Variants in TCF7L2 observed in about 807,000 individuals in gnomAD.
The protein encoded by TCF7L2 is transcription factor 7-like 2.
TCF7L2 carries 23 observed loss-of-function variants against 77.9 expected under a neutral mutation model. The ratio of observed to expected loss-of-function variants is 0.30; its 90% CI spans 0.21 to 0.42. The LOEUF is 0.42. Among genes scored for constraint, TCF7L2 ranks in the 10% least tolerant of loss-of-function variants. TCF7L2 has a pLI of 1.00. For missense variants in TCF7L2, 654 were observed against 793.1 expected (o/e 0.82, Z 2.11); for synonymous variants, 413 against 340.2 (o/e 1.21, Z -2.36).
intron 11 of TCF7L2, among the ~76,000 whole-genome samples, chr10:113,156,835 C>G (rs1352254798): frequency 6.6e-6 from 1 of 152,244 alleles, no homozygotes; most frequent in African/African-American, 2.4e-5. Context: ...CTGGCCCCAC[C>G]ACTTGCTAGA....
At chr10:112,983,200 G>T (rs530941956) in intron 4 of TCF7L2, among the ~76,000 whole-genome samples, 4 of 151,426 alleles carry the variant, frequency 2.6e-5, no homozygotes, top group African/African-American at 9.7e-5. Context: ...GGCCGGGCAC[G>T]GTGGCTCATG....
At chr10:112,988,078 A>T (rs1326962914) in intron 4 of TCF7L2, among the ~76,000 whole-genome samples, 1 of 147,886 alleles carries the variant, frequency 6.8e-6, no homozygotes, top group East Asian at 2.0e-4. Context: ...TTATCAGAGG[A>T]GGGTGTTTGG....
chr10:113,119,275 C>T (rs1432909811), intron 5 of TCF7L2, among the ~76,000 whole-genome samples: 8 of 152,150 alleles, frequency 5.3e-5, no homozygotes, highest in African/African-American at 1.9e-4. Context: ...ACCTTTTGGT[C>T]TCCGATGGTG....
intron 4 of TCF7L2, among the ~76,000 whole-genome samples, chr10:112,988,984 C>T (rs909277811): frequency 1.3e-5 from 2 of 152,088 alleles, no homozygotes; most frequent in African/African-American, 4.8e-5. Context: ...CAAGTGGCAG[C>T]GCTGGATTGA....
chr10:113,099,011 C>T (rs1012463866), intron 5 of TCF7L2, among the ~76,000 whole-genome samples: 2 of 152,182 alleles, frequency 1.3e-5, no homozygotes, highest in Non-Finnish European at 2.9e-5. Flanking sequence ...TTTCTCCAGC[C>T]CTCTCCAGTG....
chr10:113,019,779 G>A (rs7899529), intron 4 of TCF7L2, among the ~76,000 whole-genome samples: 81,010 of 151,748 alleles, frequency 0.53, 24,228 homozygotes, highest in African/African-American at 0.8. Flanking sequence ...GTGTGCAGGC[G>A]GTCACATGAA....
Position 113,089,451 on chromosome 10 carries a change from C to A in TCF7L2, c.552+49325C>A, listed in dbSNP as rs762287937. On this transcript the variant is annotated intron_variant, in intron 5 of 13. Transcript: ENST00000627217. ...ACATGACTGTCAGCACTTCTACCCC[C>A]CCTCAGACTTCACTGTCAGCACTCA... 11 of 1,613,742 alleles carry A rather than the reference C, an allele frequency of 6.8e-6. No homozygotes were observed. The East Asian group carries it at 1.6e-4, about 23-fold the overall frequency.
chr10:113,077,355 A>G (rs2058799841), intron 5 of TCF7L2, among the ~76,000 whole-genome samples: 1 of 152,342 alleles, frequency 6.6e-6, no homozygotes, highest in Admixed American at 6.5e-5. Context: ...GTCACATACC[A>G]TGCAGTTCAC....
intron 4 of TCF7L2, among the ~76,000 whole-genome samples, chr10:112,967,361 A>G (rs1247008424): frequency 6.6e-6 from 1 of 152,206 alleles, no homozygotes; most frequent in Non-Finnish European, 1.5e-5. Flanking sequence ...GCATCACATT[A>G]GACTCATACG....
chr10:113,069,082 C>T (rs917052338), intron 5 of TCF7L2, among the ~76,000 whole-genome samples: 1 of 151,810 alleles, frequency 6.6e-6, no homozygotes, highest in African/African-American at 2.4e-5. Context: ...GGAGGAATGT[C>T]ATATGGTTTA....
chr10:113,059,777 GAA>G (rs1367573643), intron 5 of TCF7L2, among the ~76,000 whole-genome samples: 1 of 151,962 alleles, frequency 6.6e-6, no homozygotes, highest in African/African-American at 2.4e-5. Flanking sequence ...GAGAAGGGGA[GAA>G]AAAAGACAGA....
At chr10:112,986,737 C>CT (rs1295000489) in intron 4 of TCF7L2, among the ~76,000 whole-genome samples, 1 of 152,160 alleles carries the variant, frequency 6.6e-6, no homozygotes, top group Admixed American at 6.5e-5. Context: ...CCACACCTCC[C>CT]TGGGAAGATT....
intron 5 of TCF7L2, among the ~76,000 whole-genome samples, chr10:113,087,764 G>A (rs2059978460): frequency 6.6e-6 from 1 of 152,166 alleles, no homozygotes; most frequent in Non-Finnish European, 1.5e-5. Context: ...GTGGGCCCTG[G>A]AGTAGCTCCA....
chr10:113,149,437 G>A (rs1777747840), intron 8 of TCF7L2, among the ~76,000 whole-genome samples: 1 of 152,114 alleles, frequency 6.6e-6, no homozygotes, highest in Non-Finnish European at 1.5e-5. Context: ...CGTCAGCGTG[G>A]GATTTTTGAG....
chr10:113,089,475 C>G (rs746960352), intron 5 of TCF7L2: 2 of 1,613,848 alleles, frequency 1.2e-6, no homozygotes, highest in Non-Finnish European at 1.7e-6. Flanking sequence ...TGTCAGCACT[C>G]AAGTCTTCAG....
At chr10:113,108,136 C>T (rs1200765660) in intron 5 of TCF7L2, among the ~76,000 whole-genome samples, 1 of 152,076 alleles carries the variant, frequency 6.6e-6, no homozygotes, top group Non-Finnish European at 1.5e-5. Flanking sequence ...AAAAGAATCC[C>T]GTTTTTATGC....
Position 113,165,785 on chromosome 10 carries a change from C to A in TCF7L2, c.1622C>A (p.Ala541Asp), listed in dbSNP as rs2137653235. The change falls in exon 14 of 14, where the codon GCT becomes GAT. Residue 541 changes from alanine (A) to aspartate (D), a missense_variant. Physicochemically the swap from Ala to Asp is moderately radical, Grantham distance 126. Transcript: ENST00000627217. ...CCTCCGCCACCCGCCCTCCTGCTCG[C>A]TGAGGCCACCCACAAGGCCTCCGCC... The A allele has an allele frequency of 6.2e-7, 1 of 1,605,824 alleles. No homozygotes were observed. The highest frequency in any genetic ancestry group is 8.5e-7 in the Non-Finnish European group (1 of 1,175,748).
At chr10:113,157,974 A>G in intron 11 of TCF7L2, 47 bp from the exon 12 acceptor site, 1 of 1,551,620 alleles carries the variant, frequency 6.4e-7, no homozygotes, top group Non-Finnish European at 8.7e-7. Flanking sequence ...CACTCTTCTC[A>G]CATCTGTTTC....
intron 4 of TCF7L2, among the ~76,000 whole-genome samples, chr10:113,028,114 G>T (rs1272528658): frequency 6.6e-6 from 1 of 152,214 alleles, no homozygotes; most frequent in Non-Finnish European, 1.5e-5. Flanking sequence ...CCCAGATGAA[G>T]GCTTGTAGGA....
Sources: gnomAD v4.1 joint callset for allele counts (sites outside exome capture counted in the v4.1 genomes callset) on GRCh38, gnomAD v4.1.1 for gene constraint, MANE v1.5 for transcripts, NCBI Gene and HGNC (gene_info 2026-07-23, HGNC 2026-07-21) for gene names.